The following PBX3 variants were observed in gnomAD, a reference collection of about 807,000 sequenced individuals.
The protein encoded by PBX3 is pre-B-cell leukemia transcription factor 3.
PBX3 carries 14 observed loss-of-function variants against 48.5 expected under a neutral mutation model. The observed-to-expected ratio is 0.29, with a 90% CI of 0.19 to 0.45. The LOEUF is 0.45. Ranked by LOEUF, PBX3 falls within the 20% of genes least tolerant of loss-of-function variation. PBX3 has a pLI of 1.00. For missense variants in PBX3, 386 were observed against 546.7 expected (o/e 0.71, Z 2.93); for synonymous variants, 210 against 200.3 (o/e 1.05, Z -0.41).
chr9:125,910,808 A>T (rs1841186173), intron 2 of PBX3, among the ~76,000 whole-genome samples: 2 of 151,314 alleles, frequency 1.3e-5, no homozygotes, highest in Non-Finnish European at 2.9e-5. Flanking sequence ...GTTATTTTAC[A>T]GTTGTTTTCT....
intron 2 of PBX3, among the ~76,000 whole-genome samples, chr9:125,845,963 C>T (rs897944209): frequency 7.2e-5 from 11 of 151,846 alleles, no homozygotes; most frequent in Admixed American, 7.2e-4. Context: ...TGCAATAGGC[C>T]TTGACTCTAA....
intron 2 of PBX3, among the ~76,000 whole-genome samples, chr9:125,846,238 A>AG (rs1839423654): frequency 6.6e-6 from 1 of 152,064 alleles, no homozygotes; most frequent in African/African-American, 2.4e-5. Flanking sequence ...TGTAATGTGT[A>AG]GGATTGTGGG....
chr9:125,760,624 T>C (rs549124051), intron 2 of PBX3, among the ~76,000 whole-genome samples: 1 of 152,342 alleles, frequency 6.6e-6, no homozygotes, highest in East Asian at 1.9e-4. Context: ...TTTACTTGGA[T>C]AGTAACAATA....
At chr9:125,935,295 G>A (rs1264447621) in intron 4 of PBX3, among the ~76,000 whole-genome samples, 177 bp from the exon 5 acceptor site, 1 of 152,182 alleles carries the variant, frequency 6.6e-6, no homozygotes, top group Non-Finnish European at 1.5e-5. Context: ...CTTAAAATGA[G>A]TTGGATAATG....
rs115576649 is a variant in PBX3, at chr9:125,916,226, G to C, written c.516+299G>C. Reference sequence around the variant, plus strand: ...ATTCTTCCCTCTCACCTCACCACTTGGTGCTCTTCAAAGCTCTGTATAATT... The same window carrying C: ...ATTCTTCCCTCTCACCTCACCACTTCGTGCTCTTCAAAGCTCTGTATAATT... On this transcript the variant is annotated intron_variant, in intron 3 of 8. Transcript: ENST00000373489. Among the ~76,000 whole-genome samples the C allele has an allele frequency of 7.6e-3, 1,162 of 152,198 alleles. 12 individuals carry two copies. The highest frequency in any genetic ancestry group is 0.027 in the African/African-American group (1,122 of 41,514).
intron 2 of PBX3, among the ~76,000 whole-genome samples, chr9:125,868,445 A>C (rs2132311986): frequency 6.6e-6 from 1 of 152,352 alleles, no homozygotes; most frequent in African/African-American, 2.4e-5. Context: ...TACAGTAAAG[A>C]ACTTCATTTC....
chr9:125,842,192 C>T (rs1004291823), intron 2 of PBX3, among the ~76,000 whole-genome samples: 4 of 152,110 alleles, frequency 2.6e-5, no homozygotes, highest in Non-Finnish European at 4.4e-5. Context: ...GTTGCTGTAG[C>T]GAGTTTTCCT....
At chr9:125,875,729 T>TC (rs1324014989) in intron 2 of PBX3, among the ~76,000 whole-genome samples, 4 of 151,978 alleles carry the variant, frequency 2.6e-5, no homozygotes, top group East Asian at 3.9e-4. Context: ...ATTTAATTAT[T>TC]CCCCCCCACC....
chr9:125,963,251 A>G lies in PBX3; in HGVS notation c.1212+150A>G, dbSNP rs1842468860. On this transcript the variant is annotated intron_variant, in intron 8 of 8. Coordinates refer to ENST00000373489, the MANE Select transcript of PBX3 (RefSeq NM_006195.6). ...CTGCACTTTTATTTTAAGAACCTAA[A>G]TGCTTGATGCCGTCTAGATACCCTT... 10 of 518,786 alleles carry G rather than the reference A, an allele frequency of 1.9e-5. No homozygotes were observed. The Admixed American group carries it at 3.2e-4, about 17-fold the overall frequency. 32.1% of individuals were successfully genotyped at this position (518,786 alleles called of 1,614,324 possible).
intron 2 of PBX3, among the ~76,000 whole-genome samples, chr9:125,893,501 G>A (rs2132394209): frequency 6.6e-6 from 1 of 152,180 alleles, no homozygotes; most frequent in East Asian, 1.9e-4. Flanking sequence ...GCTTCTGGCT[G>A]CCCAGGCTAC....
At chr9:125,915,239 T>C (rs1841298631) in intron 2 of PBX3, among the ~76,000 whole-genome samples, 1 of 152,224 alleles carries the variant, frequency 6.6e-6, no homozygotes, top group African/African-American at 2.4e-5. Context: ...GGAATTTTAA[T>C]TCTGTTTCTC....
chr9:125,789,611 G>A (rs1837545796), intron 2 of PBX3, among the ~76,000 whole-genome samples: 1 of 151,958 alleles, frequency 6.6e-6, no homozygotes, highest in Non-Finnish European at 1.5e-5. Flanking sequence ...ACCTAATCTT[G>A]GAATCCCATT....
intron 2 of PBX3, among the ~76,000 whole-genome samples, chr9:125,840,968 T>C (rs2132228842): frequency 6.6e-6 from 1 of 152,296 alleles, no homozygotes; most frequent in South Asian, 2.1e-4. Context: ...GTTTGATTTC[T>C]ATTAGTTCAA....
At chr9:125,892,443 TTAAA>T (rs1386892109) in intron 2 of PBX3, among the ~76,000 whole-genome samples, 6 of 152,186 alleles carry the variant, frequency 3.9e-5, no homozygotes, top group African/African-American at 1.2e-4. Flanking sequence ...TTAAAAATAT[TTAAA>T]TAAGATACCC....
At position 125,747,378 on chromosome 9, in the gene PBX3, C is replaced by G. The variant is rs193112371; in HGVS notation, c.-76C>G. 0.058 allele frequency: 35,138 copies of G among 603,984 alleles called. 1,601 individuals are homozygous for G. The highest frequency in any genetic ancestry group is 0.1 in the Middle Eastern group (171 of 1,678). 37.4% of individuals were successfully genotyped at this position (603,984 alleles called of 1,614,324 possible). A position where few individuals can be genotyped will look rare whatever the true frequency, so the allele number is the denominator to read the frequency against. On this transcript the variant is annotated 5_prime_UTR_variant, in exon 1 of 9. Transcript: ENST00000373489. Reference sequence around the variant, plus strand: ...TCCCCCTCCCCCTCTTTCTTCTCCTCCCTCGTCGCCGCCGCCGCCGCCGCC... The same window carrying G: ...TCCCCCTCCCCCTCTTTCTTCTCCTGCCTCGTCGCCGCCGCCGCCGCCGCC...
At chr9:125,907,493 A>T (rs73667289) in intron 2 of PBX3, among the ~76,000 whole-genome samples, 4,222 of 152,172 alleles carry the variant, frequency 0.028, 229 homozygotes, top group African/African-American at 0.095. Flanking sequence ...ATTTAAAGTG[A>T]ATACCACTGT....
chr9:125,791,050 G>T (rs986257904), intron 2 of PBX3, among the ~76,000 whole-genome samples: 1 of 152,024 alleles, frequency 6.6e-6, no homozygotes, highest in African/African-American at 2.4e-5. Flanking sequence ...GAGTAGCTGG[G>T]ATTACAGGTG....
intron 2 of PBX3, among the ~76,000 whole-genome samples, chr9:125,803,149 A>G (rs1373254035): frequency 7.4e-6 from 1 of 135,474 alleles, no homozygotes; most frequent in Non-Finnish European, 1.5e-5. Flanking sequence ...GCTGGAGTGC[A>G]GTGGTGCGAT....
intron 2 of PBX3, among the ~76,000 whole-genome samples, chr9:125,793,618 C>G (rs907002834): frequency 6.6e-6 from 1 of 151,414 alleles, no homozygotes; most frequent in African/African-American, 2.4e-5. Flanking sequence ...TTAGTAGAGA[C>G]GGGGTTTCAC....
Sources: gnomAD v4.1 joint callset for allele counts (sites outside exome capture counted in the v4.1 genomes callset) on GRCh38, gnomAD v4.1.1 for gene constraint, MANE v1.5 for transcripts, NCBI Gene and HGNC (gene_info 2026-07-23, HGNC 2026-07-21) for gene names.